The following GRIK2 variants were observed in gnomAD, a reference collection of about 807,000 sequenced individuals.
GRIK2 encodes glutamate ionotropic receptor kainate type subunit 2, also known as glutamate receptor ionotropic, kainate 2.
Under a neutral mutation model 100.3 loss-of-function variants are expected in GRIK2, and 32 were observed. That is an observed-to-expected ratio of 0.32 (90% confidence interval 0.24 to 0.43). GRIK2 has a LOEUF of 0.43. GRIK2 is among the 20% of genes least tolerant of loss of function. The pLI is 1.00. For synonymous variants in GRIK2, 417 were observed against 389.4 expected, an observed-to-expected ratio of 1.07 and a Z score of -0.83; for missense variants, 843 against 1,114.9, an observed-to-expected ratio of 0.76 and a Z score of 3.47.
At chr6:101,946,136 T>A (rs1190306385) in intron 14 of GRIK2, among the ~76,000 whole-genome samples, 1 of 151,890 alleles carries the variant, frequency 6.6e-6, no homozygotes, top group East Asian at 1.9e-4. Flanking sequence ...ACATTAGGTG[T>A]TTTGAGATTA....
At position 101,475,008 on chromosome 6, in the gene GRIK2, T is replaced by C. The variant is rs371357680; in HGVS notation, c.115+75616T>C. Among the ~76,000 whole-genome samples, 7 of 151,998 alleles carry C rather than the reference T, an allele frequency of 4.6e-5. No individual in the cohort carries two copies. In the East Asian group the frequency reaches 1.2e-3, roughly 25 times the overall value. Reference sequence around the variant, plus strand: ...TCCAACCAAACACTTGAGTGCTTCATTACATGGATCATTTGTGCTTCTGAG... The same window carrying C: ...TCCAACCAAACACTTGAGTGCTTCACTACATGGATCATTTGTGCTTCTGAG... On this transcript the variant is annotated intron_variant, in intron 2 of 16. Transcript: ENST00000369134.
intron 7 of GRIK2, among the ~76,000 whole-genome samples, chr6:101,715,412 C>T (rs1428877478): frequency 2.0e-5 from 3 of 151,654 alleles, no homozygotes; most frequent in Admixed American, 6.6e-5. Context: ...GAAGAGTTCC[C>T]TGGCAGACAG....
intron 14 of GRIK2, among the ~76,000 whole-genome samples, chr6:101,971,134 T>A (rs1382812474): frequency 6.6e-6 from 1 of 151,332 alleles, no homozygotes; most frequent in East Asian, 1.9e-4. Context: ...GGAAAATATT[T>A]GTAGATCAAA....
intron 7 of GRIK2, among the ~76,000 whole-genome samples, chr6:101,731,183 T>G (rs777695551): frequency 6.6e-6 from 1 of 151,994 alleles, no homozygotes; most frequent in Non-Finnish European, 1.5e-5. Flanking sequence ...TGAAATTGTG[T>G]CTCTTTGATC....
chr6:102,043,184 G>A (rs1185729747), intron 15 of GRIK2, among the ~76,000 whole-genome samples: 2 of 151,784 alleles, frequency 1.3e-5, no homozygotes, highest in Admixed American at 6.6e-5. Context: ...CAGTTATAAT[G>A]TGTATATTTA....
At chr6:101,951,072 G>A (rs916308616) in intron 14 of GRIK2, among the ~76,000 whole-genome samples, 1 of 152,116 alleles carries the variant, frequency 6.6e-6, no homozygotes, top group African/African-American at 2.4e-5. Context: ...GTCATTTGTT[G>A]TGTCTTACCA....
chr6:101,548,988 T>C (rs935713002), intron 2 of GRIK2, among the ~76,000 whole-genome samples: 6 of 152,132 alleles, frequency 3.9e-5, no homozygotes, highest in African/African-American at 1.4e-4. Context: ...AGAGGCCAGA[T>C]GGTTATTGAG....
intron 14 of GRIK2, among the ~76,000 whole-genome samples, chr6:102,028,318 A>G (rs1769808439): frequency 6.6e-6 from 1 of 151,236 alleles, no homozygotes; most frequent in Non-Finnish European, 1.5e-5. Context: ...TTCACAATCC[A>G]TGAAAACTGC....
intron 2 of GRIK2, among the ~76,000 whole-genome samples, chr6:101,510,436 CA>C (rs1774239631): frequency 6.7e-6 from 1 of 148,732 alleles, no homozygotes; most frequent in Admixed American, 6.8e-5. Context: ...ACATTCTCAG[CA>C]AAAGTGTAAT....
At chr6:101,700,338 T>G (rs1772800052) in intron 7 of GRIK2, among the ~76,000 whole-genome samples, 1 of 149,702 alleles carries the variant, frequency 6.7e-6, no homozygotes, top group African/African-American at 2.5e-5. Context: ...GAAAAGGAAT[T>G]TGGGGGAAGA....
chr6:101,592,351 AC>A (rs538805484), intron 2 of GRIK2, among the ~76,000 whole-genome samples: 132 of 151,616 alleles, frequency 8.7e-4, no homozygotes, highest in African/African-American at 3.0e-3. Flanking sequence ...AGCTGTGATG[AC>A]CCCTTCACAG....
At chr6:102,042,747 A>C (rs756337187) in intron 15 of GRIK2, among the ~76,000 whole-genome samples, 1 of 151,730 alleles carries the variant, frequency 6.6e-6, no homozygotes, top group Non-Finnish European at 1.5e-5. Context: ...ACACTATTCT[A>C]ATGATTGCTG....
chr6:101,717,514 A>G (rs920806442), intron 7 of GRIK2, among the ~76,000 whole-genome samples: 5 of 151,954 alleles, frequency 3.3e-5, no homozygotes, highest in Non-Finnish European at 7.4e-5. Context: ...AGTATGTTAC[A>G]AGAATTTTCC....
chr6:101,687,909 G>A (rs1771815240), intron 7 of GRIK2, among the ~76,000 whole-genome samples: 1 of 150,852 alleles, frequency 6.6e-6, no homozygotes, highest in Non-Finnish European at 1.5e-5. Context: ...AAAATAAAAT[G>A]CAAACTAGAA....
intron 14 of GRIK2, among the ~76,000 whole-genome samples, chr6:101,962,953 G>T (rs1161780253): frequency 6.6e-6 from 1 of 150,858 alleles, no homozygotes; most frequent in Non-Finnish European, 1.5e-5. Flanking sequence ...TATAAACTGG[G>T]TTTTCTAGAT....
chr6:101,826,678 A>G (rs1014918071), intron 10 of GRIK2, among the ~76,000 whole-genome samples: 3 of 151,990 alleles, frequency 2.0e-5, no homozygotes, highest in African/African-American at 7.2e-5. Flanking sequence ...CTTTCTTACT[A>G]TCTTTCCCTT....
intron 16 of GRIK2, among the ~76,000 whole-genome samples, chr6:102,057,068 A>G (rs959243610): frequency 1.3e-5 from 2 of 152,006 alleles, no homozygotes; most frequent in Admixed American, 6.6e-5. Flanking sequence ...AAATCTAAAG[A>G]GCTAACCAAA....
chr6:101,958,253 T>TTCTGTGTG (rs150156844), intron 14 of GRIK2, among the ~76,000 whole-genome samples: 10,584 of 139,490 alleles, frequency 0.076, 453 homozygotes, highest in South Asian at 0.15. Context: ...TGCTACATAT[T>TTCTGTGTG]TGTGTGTGTG....
At position 101,920,507 on chromosome 6, in the gene GRIK2, A is replaced by G. The variant is rs115438910; in HGVS notation, c.1749-4094A>G. On this transcript the variant is annotated intron_variant, in intron 12 of 16. Coordinates refer to ENST00000369134, the MANE Select transcript of GRIK2 (RefSeq NM_021956.5). ...GAAGTACAGTTTTAGCTGGGCATCAATGTTACTACTAAAACCCAAGGAGGA... is the reference window on the plus strand; with the variant it reads ...GAAGTACAGTTTTAGCTGGGCATCAGTGTTACTACTAAAACCCAAGGAGGA... Among the ~76,000 whole-genome samples, 511 of 152,032 alleles carry G rather than the reference A, an allele frequency of 3.4e-3. 4 individuals are homozygous for G. Among genetic ancestry groups the G allele is most frequent in the African/African-American group, 6.2e-3 (257 of 41,558 alleles).
Sources: allele counts gnomAD v4.1 joint callset (sites outside exome capture counted in the v4.1 genomes callset), GRCh38; gene constraint gnomAD v4.1.1; transcripts MANE v1.5; gene names NCBI Gene and HGNC (gene_info 2026-07-23, HGNC 2026-07-21).